The following PLIN3 variants were observed in gnomAD, a reference collection of about 807,000 sequenced individuals.
PLIN3 encodes perilipin 3, also known as perilipin-3.
A neutral mutation model predicts 35.9 loss-of-function variants in PLIN3; 30 were observed. The ratio of observed to expected loss-of-function variants is 0.84; its 90% CI spans 0.62 to 1.13. The LOEUF is 1.13. PLIN3 is among the 50% of genes most tolerant of loss of function. PLIN3 has a pLI of 0.00. For synonymous variants in PLIN3, 261 were observed against 262.5 expected (o/e 0.99, Z 0.06); for missense variants, 603 against 596.9 (o/e 1.01, Z -0.11).
At chr19:4,858,251 A>C (rs2030536953) in intron 4 of PLIN3, among the ~76,000 whole-genome samples, 1 of 133,784 alleles carries the variant, frequency 7.5e-6, no homozygotes, top group South Asian at 2.7e-4. Flanking sequence ...CAGCCTGGCA[A>C]CAGAGCAAGA....
chr19:4,841,394 GAA>G (rs2029888770), intron 7 of PLIN3, among the ~76,000 whole-genome samples: 1 of 152,098 alleles, frequency 6.6e-6, no homozygotes, highest in South Asian at 2.1e-4. Context: ...CCATTTCTAT[GAA>G]ATGTCCAGGA....
rs374429923 is a variant in PLIN3, at chr19:4,859,886, T to A, written c.205A>T (p.Thr69Ser). 116 of 1,613,652 alleles carry A rather than the reference T, an allele frequency of 7.2e-5. 1 individual carries two copies. The East Asian group carries it at 1.5e-3, about 21-fold the overall frequency. ...VCDAAEKGVR[T>S]LTAAAVSGAQ... ...CCGCTGACAGCAGCCGCCGTGAGGGTCCTCACTCCCTTCTCTGCTGCGTCG... is the reference window on the plus strand; with the variant it reads ...CCGCTGACAGCAGCCGCCGTGAGGGACCTCACTCCCTTCTCTGCTGCGTCG... The change falls in exon 3 of 8, where the codon ACC becomes TCC. Residue 69 changes from threonine to serine, a missense_variant. By Grantham distance (58) the Thr-to-Ser change is moderately conservative. Coordinates refer to ENST00000221957, the MANE Select transcript of PLIN3 (RefSeq NM_005817.5).
intron 5 of PLIN3, among the ~76,000 whole-genome samples, chr19:4,849,802 G>A (rs1044604118): frequency 3.3e-5 from 5 of 151,786 alleles, no homozygotes; most frequent in Non-Finnish European, 7.4e-5. Context: ...ACAGGAATGT[G>A]CCACCATGCT....
intron 4 of PLIN3, among the ~76,000 whole-genome samples, chr19:4,859,020 T>C (rs1297498875): frequency 6.6e-6 from 1 of 152,006 alleles, no homozygotes; most frequent in Admixed American, 6.6e-5. Context: ...GGTGTTTTGA[T>C]GTTTTGACTT....
intron 7 of PLIN3, among the ~76,000 whole-genome samples, chr19:4,844,224 G>A (rs2030006362): frequency 6.6e-6 from 1 of 152,120 alleles, no homozygotes; most frequent in Non-Finnish European, 1.5e-5. Context: ...AACACTTTGG[G>A]AGGCTGGGCA....
intron 5 of PLIN3, among the ~76,000 whole-genome samples, chr19:4,850,743 G>C (rs930878706): frequency 2.0e-5 from 3 of 150,994 alleles, no homozygotes; most frequent in African/African-American, 7.3e-5. Context: ...CCTAATTTTT[G>C]TATTTTTAGT....
intron 4 of PLIN3, 75 bp from the exon 5 acceptor site, chr19:4,852,376 C>T: frequency 6.5e-7 from 1 of 1,530,350 alleles, no homozygotes; most frequent in Non-Finnish European, 8.8e-7. Flanking sequence ...CCCCAACTTC[C>T]AGGGAGACCG....
chr19:4,844,988 CTG>C (rs1463419024), intron 6 of PLIN3, among the ~76,000 whole-genome samples, 195 bp from the exon 7 acceptor site: 1 of 152,144 alleles, frequency 6.6e-6, no homozygotes, highest in Non-Finnish European at 1.5e-5. Flanking sequence ...TACTCAGGCT[CTG>C]TGTGGTTGGT....
intron 4 of PLIN3, 85 bp from the exon 5 acceptor site, chr19:4,852,386 G>A (rs747855536): frequency 6.6e-4 from 985 of 1,491,094 alleles, no homozygotes; most frequent in Non-Finnish European, 8.3e-4. Context: ...CAGGGAGACC[G>A]AGGCGGGGAG....
chr19:4,858,641 C>T (rs1250991775), intron 4 of PLIN3, among the ~76,000 whole-genome samples: 1 of 150,854 alleles, frequency 6.6e-6, no homozygotes, highest in Non-Finnish European at 1.5e-5. Context: ...CTCAGCCTCC[C>T]AAAGTACTGG....
intron 5 of PLIN3, among the ~76,000 whole-genome samples, chr19:4,849,519 T>C (rs1160101214): frequency 6.6e-6 from 1 of 152,104 alleles, no homozygotes; most frequent in Non-Finnish European, 1.5e-5. Context: ...TTGTCCAGGC[T>C]GGTCTGGAAC....
intron 4 of PLIN3, among the ~76,000 whole-genome samples, chr19:4,855,047 C>T (rs1209754585): frequency 6.6e-6 from 1 of 151,150 alleles, no homozygotes; most frequent in Non-Finnish European, 1.5e-5. Flanking sequence ...GTCAGGAGTT[C>T]GAGACCAGCC....
chr19:4,851,602 C>G (rs2030293051), intron 5 of PLIN3, among the ~76,000 whole-genome samples: 1 of 151,860 alleles, frequency 6.6e-6, no homozygotes, highest in African/African-American at 2.4e-5. Flanking sequence ...AGTGAGATCT[C>G]AAGTTTAGTC....
chr19:4,859,879 G>C lies in PLIN3; in HGVS notation c.212C>G (p.Thr71Arg), dbSNP rs778170698. The C allele has an allele frequency of 3.1e-6, 5 of 1,613,516 alleles. No homozygotes were observed. In the African/African-American group the frequency reaches 6.7e-5, roughly 22 times the overall value. The change falls in exon 3 of 8, where the codon ACG (threonine) becomes AGG (arginine). Residue 71 changes from threonine (T) to arginine (R), a missense_variant. Thr to Arg is a moderately conservative substitution (Grantham distance 71). Transcript: ENST00000221957. ...CTGAGCCCCGCTGACAGCAGCCGCCGTGAGGGTCCTCACTCCCTTCTCTGC... is the reference window on the plus strand; with the variant it reads ...CTGAGCCCCGCTGACAGCAGCCGCCCTGAGGGTCCTCACTCCCTTCTCTGC... Reference protein sequence around the residue: ...DAAEKGVRTLTAAAVSGAQPI... With the variant: ...DAAEKGVRTLRAAAVSGAQPI...
intron 2 of PLIN3, 92 bp downstream of exon 2, chr19:4,861,237 C>T: frequency 2.8e-6 from 3 of 1,083,520 alleles, no homozygotes; most frequent in Non-Finnish European, 4.2e-6. Flanking sequence ...CCGGCAGATC[C>T]CTGGCTCCCT....
chr19:4,842,599 C>CAAAAAAA (rs11383489), intron 7 of PLIN3, among the ~76,000 whole-genome samples: 1 of 46,910 alleles, frequency 2.1e-5, no homozygotes, highest in African/African-American at 9.4e-5. Flanking sequence ...GACTCTATCT[C>CAAAAAAA]AAAAAAAAAA....
chr19:4,846,624 G>A (rs564125660), intron 6 of PLIN3, among the ~76,000 whole-genome samples: 23 of 151,752 alleles, frequency 1.5e-4, no homozygotes, highest in African/African-American at 5.3e-4. Context: ...ACTTGAACCC[G>A]GGAAGTGGAG....
rs530347179 is a variant in PLIN3, at chr19:4,839,246, G to A, written c.1251C>T (p.Leu417=). ...YVAQNTPVTW[L]VGPFAPGITE... is the part of the protein sequence containing the mutation. ...TGATTCCAGGGGCAAAGGGTCCCAC[G>A]AGCCACGTGACAGGTGTGTTCTGGG... The change falls in exon 8 of 8, where the codon CTC becomes CTT. Residue 417 remains leucine, a synonymous_variant. Transcript: ENST00000221957. 12 of 1,611,402 alleles carry A rather than the reference G, an allele frequency of 7.4e-6. No individual in the cohort carries two copies. The highest frequency in any genetic ancestry group is 5.0e-5 in the Admixed American group (3 of 59,924).
chr19:4,848,260 A>C (rs2030174379), intron 5 of PLIN3, among the ~76,000 whole-genome samples: 1 of 152,208 alleles, frequency 6.6e-6, no homozygotes, highest in South Asian at 2.1e-4. Context: ...CTGTGATTAT[A>C]GGCGTGAGCC....
Sources: gnomAD v4.1 joint callset for allele counts (sites outside exome capture counted in the v4.1 genomes callset) on GRCh38, gnomAD v4.1.1 for gene constraint, MANE v1.5 for transcripts, NCBI Gene and HGNC (gene_info 2026-07-23, HGNC 2026-07-21) for gene names.